Variants in DLEC1 observed in about 807,000 individuals in gnomAD.
DLEC1 encodes the protein deleted in lung and esophageal cancer protein 1.
In DLEC1, 146 loss-of-function variants were observed where a neutral mutation model predicts 198.1. The observed-to-expected ratio is 0.74, with a 90% CI of 0.64 to 0.85. The LOEUF is 0.85. Ranked by LOEUF, DLEC1 falls within the 40% of genes least tolerant of loss-of-function variation. The pLI is 0.00. For missense variants in DLEC1, 2,233 were observed against 2,220.0 expected, an observed-to-expected ratio of 1.01 and a Z score of -0.12; for synonymous variants, 897 against 866.8, an observed-to-expected ratio of 1.03 and a Z score of -0.61.
At chr3:38,116,314 T>TAGAGAGGC in intron 27 of DLEC1, 139 bp from the exon 28 acceptor site, 1 of 743,934 alleles carries the variant, frequency 1.3e-6, no homozygotes, top group Non-Finnish European at 2.2e-6. Context: ...GAAGTGGCAT[T>TAGAGAGGC]AGAGAGGCAG....
intron 6 of DLEC1, among the ~76,000 whole-genome samples, chr3:38,066,342 A>C (rs1697028614): frequency 6.6e-6 from 1 of 152,234 alleles, no homozygotes; most frequent in Non-Finnish European, 1.5e-5. Flanking sequence ...TTCCATTTAA[A>C]AAACAGAATA....
intron 2 of DLEC1, among the ~76,000 whole-genome samples, chr3:38,058,763 T>C (rs1696518160): frequency 6.6e-6 from 1 of 152,066 alleles, no homozygotes; most frequent in Non-Finnish European, 1.5e-5. Flanking sequence ...TCTTCAGTAG[T>C]AACAAATGTA....
At chr3:38,085,934 C>CAT (rs1698432709) in intron 8 of DLEC1, among the ~76,000 whole-genome samples, 1 of 152,202 alleles carries the variant, frequency 6.6e-6, no homozygotes, top group African/African-American at 2.4e-5. Flanking sequence ...TTACTTCTGC[C>CAT]ATAGCCCCCA....
chr3:38,089,082 C>T (rs939267322), intron 10 of DLEC1, among the ~76,000 whole-genome samples: 1 of 152,228 alleles, frequency 6.6e-6, no homozygotes, highest in Non-Finnish European at 1.5e-5. Flanking sequence ...ACATGCTTGG[C>T]CTTTCACACT....
intron 30 of DLEC1, 23 bp from the exon 31 acceptor site, chr3:38,117,185 G>A (rs2125744333): frequency 1.2e-6 from 2 of 1,614,166 alleles, no homozygotes; most frequent in Middle Eastern, 1.6e-4. Flanking sequence ...GGGATCAGCT[G>A]TGATCAGACT....
chr3:38,049,739 A>C (rs573482591), intron 2 of DLEC1, among the ~76,000 whole-genome samples: 3 of 152,256 alleles, frequency 2.0e-5, no homozygotes, highest in Non-Finnish European at 2.9e-5. Context: ...GAATTGTATC[A>C]GAAGAGAGAG....
At position 38,039,377 on chromosome 3, in the gene DLEC1, A is replaced by G. The variant is rs181606392; in HGVS notation, c.152A>G (p.Tyr51Cys). Residue 51 changes from tyrosine (Y) to cysteine (C), a missense_variant, in exon 1 of 37, where the codon TAC becomes TGC. By Grantham distance (194) the Tyr-to-Cys change is radical. Coordinates refer to ENST00000308059, the MANE Select transcript of DLEC1 (RefSeq NM_007335.4). ...TCCTCCTTGTATTCCTCCCTCGCCT[A>G]CTCTGAGGCCTTCCACTACAGCTTC... ...WKSSLYSSLA[Y>C]SEAFHYSFAA... 181 of 1,614,052 alleles carry G rather than the reference A, an allele frequency of 1.1e-4. No homozygotes were observed. In the East Asian group the frequency reaches 3.7e-3, roughly 33 times the overall value.
chr3:38,116,535 T>C lies in DLEC1; in HGVS notation c.3939T>C (p.Pro1313=), dbSNP rs1173514448. Residue 1313 remains proline (P), a synonymous_variant, in exon 28 of 37, where the codon CCT becomes CCC. Coordinates refer to ENST00000308059, the MANE Select transcript of DLEC1 (RefSeq NM_007335.4). The part of the protein sequence containing the change: ...LVELLVFYGP[P]FPLRDQAGNE... ...AGCTGCTGGTGTTTTATGGGCCACC[T>C]TTCCCGCTGCGGGACCAAGCCGGGA... 1 of 1,613,994 alleles carries C rather than the reference T, an allele frequency of 6.2e-7. No homozygotes were observed. The highest frequency in any genetic ancestry group is 1.3e-5 in the African/African-American group (1 of 74,904).
chr3:38,064,445 T>C (rs566411358), intron 6 of DLEC1, among the ~76,000 whole-genome samples: 1 of 152,386 alleles, frequency 6.6e-6, no homozygotes, highest in East Asian at 1.9e-4. Flanking sequence ...TGATCTCTCT[T>C]TCTTTTCCCC....
chr3:38,055,198 C>T (rs1189838257), intron 2 of DLEC1, among the ~76,000 whole-genome samples: 4 of 152,158 alleles, frequency 2.6e-5, no homozygotes, highest in Non-Finnish European at 5.9e-5. Flanking sequence ...AGGCACAGCA[C>T]ACATTTAAAC....
In DLEC1 at chr3:38,065,361, G is replaced by A. The variant is rs192963862; in HGVS notation, c.1173+1442G>A. ...GAGGGAGAGGGAGGAGAGGGAGACT[G>A]TGCAGAGGGAGAGGGAGAGGGAGAG... On this transcript the variant is annotated intron_variant, in intron 6 of 36. Transcript: ENST00000308059. 6.8e-5 allele frequency among the ~76,000 whole-genome samples: 10 copies of A among 147,964 alleles called. No individual in the cohort carries two copies. The East Asian group carries it at 1.6e-3, about 23-fold the overall frequency.
intron 6 of DLEC1, among the ~76,000 whole-genome samples, chr3:38,075,529 C>T (rs1248074691): frequency 1.3e-5 from 2 of 150,674 alleles, no homozygotes; most frequent in African/African-American, 4.9e-5. Flanking sequence ...GTGAAGGAGG[C>T]AAGCCCAGAG....
At chr3:38,052,727 A>C (rs1367810511) in intron 2 of DLEC1, among the ~76,000 whole-genome samples, 1 of 152,056 alleles carries the variant, frequency 6.6e-6, no homozygotes, top group Non-Finnish European at 1.5e-5. Flanking sequence ...GAGATGTGTA[A>C]GCATAGCTTC....
At chr3:38,086,169 G>A in intron 8 of DLEC1, 72 bp from the exon 9 acceptor site, 1 of 1,526,494 alleles carries the variant, frequency 6.6e-7, no homozygotes, top group African/African-American at 1.4e-5. Flanking sequence ...TGTACCTCAG[G>A]AGAAGCATGA....
intron 20 of DLEC1, 80 bp from the exon 21 acceptor site, chr3:38,108,325 G>C: frequency 8.5e-7 from 1 of 1,173,020 alleles, no homozygotes; most frequent in Non-Finnish European, 1.2e-6. Context: ...ATTGCATGCA[G>C]CAGTGCTGAG....
intron 20 of DLEC1, 65 bp downstream of exon 20, chr3:38,107,802 G>T: frequency 6.4e-7 from 1 of 1,553,688 alleles, no homozygotes. Flanking sequence ...CACATAGAGG[G>T]GGGCATTGTC....
chr3:38,065,614 TATC>T (rs1696988166), intron 6 of DLEC1, among the ~76,000 whole-genome samples: 1 of 152,226 alleles, frequency 6.6e-6, no homozygotes, highest in Non-Finnish European at 1.5e-5. Flanking sequence ...GAAAATATGA[TATC>T]ATGTCATTCT....
intron 27 of DLEC1, among the ~76,000 whole-genome samples, chr3:38,116,206 A>C (rs1340845973): frequency 1.3e-5 from 2 of 152,194 alleles, no homozygotes; most frequent in Non-Finnish European, 2.9e-5. Flanking sequence ...GCATCTGGAC[A>C]TGGAGACCTG....
intron 6 of DLEC1, among the ~76,000 whole-genome samples, chr3:38,073,985 AG>A (rs1697465212): frequency 1.3e-5 from 2 of 152,168 alleles, no homozygotes; most frequent in Admixed American, 1.3e-4. Context: ...CTAGAGCTTT[AG>A]GGGCTCTAGG....
Sources: allele counts gnomAD v4.1 joint callset (sites outside exome capture counted in the v4.1 genomes callset), GRCh38; gene constraint gnomAD v4.1.1; transcripts MANE v1.5; gene names NCBI Gene and HGNC (gene_info 2026-07-23, HGNC 2026-07-21).